DAAM1: variants seen among roughly 807,000 people sequenced by gnomAD.
DAAM1 encodes disheveled-associated activator of morphogenesis 1.
Under a neutral mutation model 130.0 loss-of-function variants are expected in DAAM1, and 52 were observed. The ratio of observed to expected loss-of-function variants is 0.40; its 90% CI spans 0.32 to 0.50. The LOEUF is 0.50. DAAM1 is among the 20% of genes least tolerant of loss of function. The probability of loss-of-function intolerance (pLI) is 0.61; values close to 1 mark genes in which losing one functional copy is unlikely to be tolerated. For missense variants in DAAM1, 1,134 were observed against 1,303.8 expected (o/e 0.87, Z 2.01); for synonymous variants, 452 against 444.5 (o/e 1.02, Z -0.21).
chr14:59,204,933 C>T (rs1018523017), intron 1 of DAAM1, among the ~76,000 whole-genome samples: 1 of 152,226 alleles, frequency 6.6e-6, no homozygotes, highest in Non-Finnish European at 1.5e-5. Flanking sequence ...ATATGCTTCA[C>T]GACTTCCTCT....
chr14:59,303,308 A>G (rs1884249677), intron 3 of DAAM1, among the ~76,000 whole-genome samples: 1 of 152,174 alleles, frequency 6.6e-6, no homozygotes, highest in Non-Finnish European at 1.5e-5. Context: ...TAATCTGAGT[A>G]AATAGTCTCT....
intron 4 of DAAM1, among the ~76,000 whole-genome samples, chr14:59,317,792 C>T (rs1370303712): frequency 4.6e-5 from 7 of 152,248 alleles, no homozygotes; most frequent in African/African-American, 1.7e-4. Flanking sequence ...TAAATGTATC[C>T]GTCTAAGCCC....
intron 23 of DAAM1, among the ~76,000 whole-genome samples, chr14:59,366,254 A>T (rs1886913224): frequency 6.6e-6 from 1 of 152,132 alleles, no homozygotes; most frequent in South Asian, 2.1e-4. Context: ...AAAGATTGGC[A>T]TTGAAAGGGG....
At chr14:59,274,393 C>T (rs1450313128) in intron 2 of DAAM1, among the ~76,000 whole-genome samples, 1 of 151,810 alleles carries the variant, frequency 6.6e-6, no homozygotes, top group Admixed American at 6.6e-5. Context: ...AAGTCAGAAT[C>T]TTTTGCCATC....
intron 1 of DAAM1, among the ~76,000 whole-genome samples, chr14:59,203,740 G>T (rs1888181730): frequency 6.6e-6 from 1 of 152,174 alleles, no homozygotes; most frequent in Non-Finnish European, 1.5e-5. Flanking sequence ...CTTTATACCT[G>T]CTGTGATGAC....
chr14:59,242,561 A>G (rs971730335), intron 1 of DAAM1, among the ~76,000 whole-genome samples: 1 of 152,066 alleles, frequency 6.6e-6, no homozygotes, highest in African/African-American at 2.4e-5. Flanking sequence ...GCTGGGTACT[A>G]TTATTATTAT....
chr14:59,203,535 C>A (rs536994922), intron 1 of DAAM1, among the ~76,000 whole-genome samples: 22 of 152,286 alleles, frequency 1.4e-4, no homozygotes, highest in Non-Finnish European at 2.5e-4. Flanking sequence ...ATGTACATCT[C>A]ATTTTTTCCT....
intron 2 of DAAM1, among the ~76,000 whole-genome samples, chr14:59,289,784 A>ATATATATATATACATATATATATAT: frequency 7.8e-6 from 1 of 128,712 alleles, no homozygotes; most frequent in African/African-American, 2.9e-5. Context: ...ATATATATAT[A>ATATATATATATACATATATATATAT]ATGGAATGCT....
chr14:59,277,823 C>T (rs1883037146), intron 2 of DAAM1, among the ~76,000 whole-genome samples: 2 of 152,104 alleles, frequency 1.3e-5, no homozygotes, highest in South Asian at 4.1e-4. Flanking sequence ...GTAATTACAT[C>T]TGTTTGTAAT....
At chr14:59,359,189 T>C in intron 20 of DAAM1, 1 of 464,920 alleles carries the variant, frequency 2.2e-6, no homozygotes, top group Non-Finnish European at 3.9e-6. Flanking sequence ...GCAATCCCCA[T>C]GGAGGCTCTC....
chr14:59,338,669 T>C (rs550019796), intron 15 of DAAM1, among the ~76,000 whole-genome samples: 2 of 152,308 alleles, frequency 1.3e-5, no homozygotes, highest in South Asian at 2.1e-4. Flanking sequence ...CTTTGTTTTC[T>C]AAACTGTTAC....
intron 2 of DAAM1, among the ~76,000 whole-genome samples, chr14:59,282,917 A>C (rs2139547203): frequency 6.6e-6 from 1 of 152,234 alleles, no homozygotes; most frequent in South Asian, 2.1e-4. Context: ...ACCCTACAGT[A>C]ATTTTTTTTT....
intron 1 of DAAM1, among the ~76,000 whole-genome samples, chr14:59,214,458 A>G (rs552225026): frequency 6.6e-6 from 1 of 152,216 alleles, no homozygotes; most frequent in Non-Finnish European, 1.5e-5. Context: ...CAGATGTCTC[A>G]CTTTAGGCAA....
intron 1 of DAAM1, among the ~76,000 whole-genome samples, chr14:59,210,163 C>A (rs912957350): frequency 1.3e-5 from 2 of 152,144 alleles, no homozygotes; most frequent in Non-Finnish European, 1.5e-5. Flanking sequence ...AACAAAAAAA[C>A]CAACCAAAAC....
At position 59,368,821 on chromosome 14, in the gene DAAM1, A is replaced by G; in HGVS notation, c.3169A>G (p.Ser1057Gly). The change falls in exon 25 of 25, where the codon AGC becomes GGC. Residue 1057 changes from serine to glycine, a missense_variant. Physicochemically the swap from Ser to Gly is moderately conservative, Grantham distance 56 (BLOSUM62 0). Coordinates refer to ENST00000360909, the MANE Select transcript of DAAM1 (RefSeq NM_001270520.2). ...ACGTATTACCAACCAGATGACTGACAGCAGCAGAGAGAGACCAATCACAAA... is the reference window on the plus strand; with the variant it reads ...ACGTATTACCAACCAGATGACTGACGGCAGCAGAGAGAGACCAATCACAAA... ...RKRITNQMTD[S>G]SRERPITKLN... The G allele has an allele frequency of 6.2e-7, 1 of 1,613,792 alleles. No homozygotes were observed. Among genetic ancestry groups the G allele is most frequent in the Non-Finnish European group, 8.5e-7 (1 of 1,179,868 alleles).
intron 23 of DAAM1, among the ~76,000 whole-genome samples, chr14:59,365,348 A>G (rs1233059076): frequency 6.6e-6 from 1 of 152,174 alleles, no homozygotes; most frequent in Non-Finnish European, 1.5e-5. Flanking sequence ...TAGACTGGCT[A>G]TTGCTATTTT....
rs1283454427 is a variant in DAAM1, at chr14:59,370,378, G to T, written c.*1519G>T. ...AGGCATAGTAGGGCTACAATGGTAAGCAAGACAGAGTCCCTGCCCCCAAAG... is the reference window on the plus strand; with the variant it reads ...AGGCATAGTAGGGCTACAATGGTAATCAAGACAGAGTCCCTGCCCCCAAAG... On this transcript the variant is annotated 3_prime_UTR_variant, in exon 25 of 25. Transcript: ENST00000360909. 6.6e-6 allele frequency: 1 copy of T among 151,886 alleles called. No homozygotes were observed. Among genetic ancestry groups the T allele is most frequent in the Non-Finnish European group, 1.5e-5 (1 of 67,920 alleles). The allele number at this position is 151,886 out of a possible 1,614,324, so 9.4% of individuals were successfully genotyped here. A position where few individuals can be genotyped will look rare whatever the true frequency, so the allele number is the denominator to read the frequency against.
At chr14:59,237,493 T>G (rs1380037155) in intron 1 of DAAM1, among the ~76,000 whole-genome samples, 1 of 152,178 alleles carries the variant, frequency 6.6e-6, no homozygotes, top group Non-Finnish European at 1.5e-5. Flanking sequence ...TGGAATAATT[T>G]ACATAAGAAG....
chr14:59,298,790 G>C (rs988607350), intron 3 of DAAM1, among the ~76,000 whole-genome samples: 2 of 152,056 alleles, frequency 1.3e-5, no homozygotes, highest in Non-Finnish European at 2.9e-5. Flanking sequence ...ACCAGTGTTG[G>C]GTATTATTTT....
Sources: allele counts gnomAD v4.1 joint callset (sites outside exome capture counted in the v4.1 genomes callset), GRCh38; gene constraint gnomAD v4.1.1; transcripts MANE v1.5; gene names NCBI Gene and HGNC (gene_info 2026-07-23, HGNC 2026-07-21).